Variants in IMMP2L observed in about 807,000 individuals in gnomAD.
IMMP2L encodes inner mitochondrial membrane peptidase subunit 2.
A neutral mutation model predicts 19.3 loss-of-function variants in IMMP2L; 18 were observed. The ratio of observed to expected loss-of-function variants is 0.93; its 90% confidence interval spans 0.64 to 1.38. The LOEUF (loss-of-function observed/expected upper bound fraction) is 1.38, where lower values mean the gene tolerates loss of function less well. Among genes scored for constraint, IMMP2L ranks in the 40% most tolerant of loss-of-function variants. IMMP2L has a pLI of 0.00. For synonymous variants in IMMP2L, 76 were observed against 73.0 expected, an observed-to-expected ratio of 1.04 and a Z score of -0.21; for missense variants, 233 against 218.2, an observed-to-expected ratio of 1.07 and a Z score of -0.43.
intron 3 of IMMP2L, among the ~76,000 whole-genome samples, chr7:111,078,536 T>A (rs182100454): frequency 3.6e-4 from 55 of 152,282 alleles, no homozygotes; most frequent in East Asian, 7.7e-4. Flanking sequence ...TAATAAAGAT[T>A]ATTTTTATGA....
chr7:111,407,954 A>G (rs1476993318), intron 3 of IMMP2L, among the ~76,000 whole-genome samples: 1 of 152,068 alleles, frequency 6.6e-6, no homozygotes. Flanking sequence ...GTATTAACTC[A>G]TTTAATCTTC....
At chr7:111,386,885 A>G (rs1831811583) in intron 3 of IMMP2L, among the ~76,000 whole-genome samples, 1 of 152,138 alleles carries the variant, frequency 6.6e-6, no homozygotes, top group Non-Finnish European at 1.5e-5. Flanking sequence ...ATTAGGCATA[A>G]AATAACCCCA....
chr7:111,365,174 C>T (rs1829653366), intron 3 of IMMP2L, among the ~76,000 whole-genome samples: 1 of 151,874 alleles, frequency 6.6e-6, no homozygotes, highest in African/African-American at 2.4e-5. Flanking sequence ...AAATTAATAC[C>T]CCGCAGTGGC....
intron 1 of IMMP2L, among the ~76,000 whole-genome samples, chr7:111,549,458 C>T (rs1279193010): frequency 1.3e-5 from 2 of 152,158 alleles, no homozygotes; most frequent in African/African-American, 4.8e-5. Context: ...CACTATATAT[C>T]ACCACTTTAA....
chr7:111,128,539 T>C (rs10216191), intron 3 of IMMP2L, among the ~76,000 whole-genome samples: 4,684 of 152,228 alleles, frequency 0.031, 242 homozygotes, highest in African/African-American at 0.11. Context: ...TTAAGAGGCA[T>C]ATTTAGGCTG....
intron 5 of IMMP2L, among the ~76,000 whole-genome samples, chr7:110,784,444 T>C (rs895828831): frequency 1.3e-5 from 2 of 151,972 alleles, no homozygotes; most frequent in African/African-American, 4.8e-5. Context: ...TGATTCCATC[T>C]TCATCTACCA....
At chr7:111,124,160 A>T (rs1468050732) in intron 3 of IMMP2L, 1 of 1,613,812 alleles carries the variant, frequency 6.2e-7, no homozygotes, top group Non-Finnish European at 8.5e-7. Context: ...TCTGGTCAAA[A>T]ACTCTTGCCT....
chr7:111,178,401 A>G (rs1363946864), intron 3 of IMMP2L, among the ~76,000 whole-genome samples: 1 of 152,050 alleles, frequency 6.6e-6, no homozygotes, highest in African/African-American at 2.4e-5. Flanking sequence ...CTGACTAATC[A>G]CGGTGATGGA....
chr7:110,699,869 A>C (rs1794150203), intron 5 of IMMP2L, among the ~76,000 whole-genome samples: 1 of 152,182 alleles, frequency 6.6e-6, no homozygotes, highest in Admixed American at 6.5e-5. Flanking sequence ...TGAAGAAGAA[A>C]AAAACCATGT....
At chr7:111,539,607 C>G (rs1034763403) in intron 1 of IMMP2L, among the ~76,000 whole-genome samples, 1 of 151,046 alleles carries the variant, frequency 6.6e-6, no homozygotes, top group Non-Finnish European at 1.5e-5. Context: ...CTGCCTCAAT[C>G]AGAGCCACTC....
At chr7:111,146,555 CA>C (rs1323936980) in intron 3 of IMMP2L, among the ~76,000 whole-genome samples, 5 of 152,000 alleles carry the variant, frequency 3.3e-5, no homozygotes, top group Non-Finnish European at 7.4e-5. Flanking sequence ...GCATTTCCAG[CA>C]GCCTAGGCAG....
intron 3 of IMMP2L, among the ~76,000 whole-genome samples, chr7:111,458,913 C>A (rs1839905495): frequency 6.6e-6 from 1 of 152,146 alleles, no homozygotes. Context: ...TCCTCCTAAT[C>A]TCCTTGTATA....
intron 5 of IMMP2L, among the ~76,000 whole-genome samples, chr7:110,699,457 T>C (rs1794106511): frequency 6.6e-6 from 1 of 152,088 alleles, no homozygotes; most frequent in African/African-American, 2.4e-5. Context: ...TGTGACTTGA[T>C]TCTAACCAAT....
At chr7:111,473,162 T>G (rs1841417522) in intron 3 of IMMP2L, among the ~76,000 whole-genome samples, 1 of 152,136 alleles carries the variant, frequency 6.6e-6, no homozygotes, top group Non-Finnish European at 1.5e-5. Flanking sequence ...TGTTATCACA[T>G]AGATAAAAGG....
intron 5 of IMMP2L, among the ~76,000 whole-genome samples, chr7:110,681,372 GA>G (rs1792703979): frequency 6.6e-6 from 1 of 152,056 alleles, no homozygotes; most frequent in Admixed American, 6.6e-5. Context: ...TTACCCTAGG[GA>G]AAAGTGAGGT....
intron 3 of IMMP2L, among the ~76,000 whole-genome samples, chr7:110,990,484 C>A (rs1434620951): frequency 6.6e-6 from 1 of 152,260 alleles, no homozygotes; most frequent in South Asian, 2.1e-4. Flanking sequence ...TTTAGTTATA[C>A]CCTAACCAGA....
chr7:110,934,370 C>T, intron 4 of IMMP2L, among the ~76,000 whole-genome samples: 1 of 152,262 alleles, frequency 6.6e-6, no homozygotes, highest in East Asian at 1.9e-4. Flanking sequence ...TGGTCCAGAG[C>T]TGAGTTCAAG....
At chr7:111,110,111 G>A (rs1799027588) in intron 3 of IMMP2L, among the ~76,000 whole-genome samples, 1 of 152,118 alleles carries the variant, frequency 6.6e-6, no homozygotes, top group African/African-American at 2.4e-5. Context: ...CTCCAGCCTA[G>A]GCAACACAGT....
intron 3 of IMMP2L, chr7:111,391,833 C>G: frequency 1.4e-6 from 1 of 702,036 alleles, no homozygotes; most frequent in Non-Finnish European, 2.6e-6. Flanking sequence ...ACAACACGAC[C>G]ATACCTCTCT....
Sources: allele counts gnomAD v4.1 joint callset (sites outside exome capture counted in the v4.1 genomes callset), GRCh38; gene constraint gnomAD v4.1.1; transcripts MANE v1.5; gene names NCBI Gene and HGNC (gene_info 2026-07-23, HGNC 2026-07-21).